COL5A2: variants seen among roughly 807,000 people sequenced by gnomAD.
The protein encoded by COL5A2 is collagen type V alpha 2 chain.
COL5A2 carries 23 observed loss-of-function variants against 208.2 expected under a neutral mutation model. The ratio of observed to expected loss-of-function variants is 0.11; its 90% CI spans 0.08 to 0.16. COL5A2 has a LOEUF of 0.16. Ranked by LOEUF, COL5A2 falls within the 10% of genes least tolerant of loss-of-function variation. The pLI is 1.00. For missense variants in COL5A2, 1,590 were observed against 1,956.4 expected (o/e 0.81, Z 3.53); for synonymous variants, 625 against 628.5 (o/e 0.99, Z 0.08).
At chr2:189,371,430 G>A in the COL5A2 span, among the ~76,000 whole-genome samples, 1 of 152,134 alleles carries the variant, frequency 6.6e-6, no homozygotes, top group African/African-American at 2.4e-5. Context: ...GATAGATAAG[G>A]GAAGTTTGGA....
chr2:189,238,349 A>ACATTGAAAGTAGAACAT, the COL5A2 span, among the ~76,000 whole-genome samples: 1 of 152,084 alleles, frequency 6.6e-6, no homozygotes, highest in South Asian at 2.1e-4. Context: ...CAAAGACCTG[A>ACATTGAAAGTAGAACAT]TCTTTCCTGT....
At chr2:189,236,844 T>TA in the COL5A2 span, among the ~76,000 whole-genome samples, 1 of 151,884 alleles carries the variant, frequency 6.6e-6, no homozygotes, top group Non-Finnish European at 1.5e-5. Flanking sequence ...AATGATAACT[T>TA]ATGATAATAA....
At chr2:189,326,786 T>C in the COL5A2 span, among the ~76,000 whole-genome samples, 14 of 151,532 alleles carry the variant, frequency 9.2e-5, no homozygotes, top group African/African-American at 3.4e-4. Context: ...AAAATCAAAA[T>C]GAGGCCAGGC....
chr2:189,414,616 G>A, the COL5A2 span, among the ~76,000 whole-genome samples: 2 of 151,942 alleles, frequency 1.3e-5, no homozygotes, highest in African/African-American at 4.8e-5. Context: ...CAAGTGCGGT[G>A]GCATGCGCCT....
At chr2:189,304,232 C>CA in the COL5A2 span, among the ~76,000 whole-genome samples, 5 of 151,920 alleles carry the variant, frequency 3.3e-5, no homozygotes, top group Admixed American at 6.6e-5. Context: ...ATCATTTTAC[C>CA]AAAAATAACA....
the COL5A2 span, among the ~76,000 whole-genome samples, chr2:189,250,597 T>G: frequency 1.3e-5 from 2 of 152,156 alleles, no homozygotes; most frequent in African/African-American, 4.8e-5. Flanking sequence ...TACTGATTTC[T>G]CTACTTTCTT....
At chr2:189,100,190 T>C (rs1285643064) in intron 3 of COL5A2, 51 bp from the exon 4 acceptor site, 7 of 1,473,902 alleles carry the variant, frequency 4.7e-6, no homozygotes, top group Non-Finnish European at 6.6e-6. Context: ...TATAATGGCT[T>C]GCTGGGCAAA....
the COL5A2 span, among the ~76,000 whole-genome samples, chr2:189,383,700 T>C: frequency 6.6e-6 from 1 of 152,146 alleles, no homozygotes; most frequent in Non-Finnish European, 1.5e-5. Flanking sequence ...TGTGTAATGA[T>C]CAAATCAGGA....
Position 189,064,545 on chromosome 2 carries a change from C to T in COL5A2, c.1716+12G>A, listed in dbSNP as rs745767713. On this transcript the variant is annotated intron_variant, in intron 25 of 53. Transcript: ENST00000374866. ...TCCCCTTTGATGTAGCAAACACTTG[C>T]TATATTCTTACCCGAGCACCTGGAA... is the stretch of plus-strand genomic sequence containing the variant. 4.0e-5 allele frequency: 64 copies of T among 1,599,900 alleles called. No individual in the cohort carries two copies. The Middle Eastern group carries it at 6.6e-4, about 17-fold the overall frequency.
chr2:189,041,719 A>G, intron 49 of COL5A2, 26 bp from the exon 50 acceptor site: 1 of 1,560,840 alleles, frequency 6.4e-7, no homozygotes, highest in Non-Finnish European at 8.8e-7. Flanking sequence ...ACTGTAGTTT[A>G]GATTCTATGA....
In COL5A2 at chr2:189,033,544, A is replaced by G; in HGVS notation, c.*526T>C. The G allele has an allele frequency of 6.1e-6, 1 of 164,220 alleles. No homozygotes were observed. The allele number at this position is 164,220 out of a possible 1,614,324, so 10.2% of individuals were successfully genotyped here. On this transcript the variant is annotated 3_prime_UTR_variant, in exon 54 of 54. Coordinates refer to ENST00000374866, the MANE Select transcript of COL5A2 (RefSeq NM_000393.5). ...ATAGTTACACAATATCAAGACATGC[A>G]TGTAGGTCTCGATCACAAGTTAAAC...
the COL5A2 span, among the ~76,000 whole-genome samples, chr2:189,360,397 C>T: frequency 2.0e-5 from 3 of 152,096 alleles, no homozygotes; most frequent in African/African-American, 7.2e-5. Context: ...CCTAGAACTG[C>T]TTTTGCTGTA....
At chr2:189,286,844 A>C in the COL5A2 span, among the ~76,000 whole-genome samples, 1 of 152,234 alleles carries the variant, frequency 6.6e-6, no homozygotes, top group Non-Finnish European at 1.5e-5. Flanking sequence ...AAAATATTCT[A>C]ACATAGGAAA....
the COL5A2 span, among the ~76,000 whole-genome samples, chr2:189,268,012 G>A: frequency 6.6e-6 from 1 of 152,036 alleles, no homozygotes; most frequent in Non-Finnish European, 1.5e-5. Flanking sequence ...CTCCAGATAT[G>A]TGGGCTTTAT....
the COL5A2 span, among the ~76,000 whole-genome samples, chr2:189,262,602 A>G: frequency 4.6e-5 from 7 of 152,104 alleles, no homozygotes. Context: ...TATTTTTTTA[A>G]CATTCTTGTA....
chr2:189,218,365 C>A (rs1458644930), intron 1 of COL5A2, among the ~76,000 whole-genome samples: 1 of 151,962 alleles, frequency 6.6e-6, no homozygotes, highest in African/African-American at 2.4e-5. Context: ...AGGAGAAGAC[C>A]ATATGACAAC....
At chr2:189,229,707 C>T (rs958153912), upstream of COL5A2, among the ~76,000 whole-genome samples, 2 of 151,702 alleles carry the variant, frequency 1.3e-5, no homozygotes, top group African/African-American at 4.8e-5. Context: ...AAAACATATT[C>T]TATGTTCATG....
chr2:189,043,872 C>G (rs1685610489), intron 47 of COL5A2, among the ~76,000 whole-genome samples: 1 of 152,172 alleles, frequency 6.6e-6, no homozygotes, highest in African/African-American at 2.4e-5. Flanking sequence ...ATCCAGTGAT[C>G]TTGATGCTAA....
chr2:189,346,389 C>G, the COL5A2 span, among the ~76,000 whole-genome samples: 5 of 152,124 alleles, frequency 3.3e-5, no homozygotes, highest in African/African-American at 9.7e-5. Context: ...GGAAAAATTA[C>G]TATCAATGTT....
Sources: allele counts gnomAD v4.1 joint callset (sites outside exome capture counted in the v4.1 genomes callset), GRCh38; gene constraint gnomAD v4.1.1; transcripts MANE v1.5; gene names NCBI Gene and HGNC (gene_info 2026-07-23, HGNC 2026-07-21).